Variants in SLK observed in about 807,000 individuals in gnomAD.
SLK encodes the protein STE20 like kinase.
In SLK, 67 loss-of-function variants were observed where a neutral mutation model predicts 147.7. The observed-to-expected ratio is 0.45, with a 90% CI of 0.37 to 0.56. The LOEUF is 0.56. Among genes scored for constraint, SLK ranks in the 20% least tolerant of loss-of-function variants. The pLI, the probability that SLK is intolerant of heterozygous loss-of-function variation, is 0.00. For synonymous variants in SLK, 441 were observed against 475.0 expected (o/e 0.93, Z 0.93); for missense variants, 1,136 against 1,438.8 (o/e 0.79, Z 3.41).
intron 1 of SLK, among the ~76,000 whole-genome samples, chr10:103,987,570 T>C (rs1844034650): frequency 6.6e-6 from 1 of 152,232 alleles, no homozygotes; most frequent in South Asian, 2.1e-4. Context: ...GACATTTATT[T>C]ATTGAAACAT....
In SLK at chr10:104,027,810, A is replaced by G. The variant is rs1260768104; in HGVS notation, c.*2090A>G. On this transcript the variant is annotated 3_prime_UTR_variant, in exon 19 of 19. Transcript: ENST00000369755. ...GATTCTTTCTGTTCCTTTCAACTTG[A>G]CATTCAGATTATTGACTCAAGGAGA... 3 of 152,030 alleles carry G rather than the reference A, an allele frequency of 2.0e-5. No individual in the cohort carries two copies. The highest frequency in any genetic ancestry group is 4.8e-5 in the African/African-American group (2 of 41,364). 9.4% of individuals were successfully genotyped at this position (152,030 alleles called of 1,614,324 possible). A position where few individuals can be genotyped will look rare whatever the true frequency, so the allele number is the denominator to read the frequency against.
At position 103,998,877 on chromosome 10, in the gene SLK, G is replaced by A. The variant is rs779972385; in HGVS notation, c.515-22G>A. ...ACAATGCTTAAAAGTTCTCATTAAT[G>A]CTTTTGTGTGATTATTTCAAGCGGA... On this transcript the variant is annotated intron_variant, in intron 4 of 18. Transcript: ENST00000369755. The A allele has an allele frequency of 2.5e-6, 4 of 1,579,528 alleles. No homozygotes were observed. In the African/African-American group the frequency reaches 4.0e-5, roughly 16 times the overall value.
At chr10:103,995,348 G>C (rs1462201844) in intron 4 of SLK, among the ~76,000 whole-genome samples, 2 of 151,016 alleles carry the variant, frequency 1.3e-5, no homozygotes, top group Non-Finnish European at 3.0e-5. Flanking sequence ...ACAGTTCTGA[G>C]ATGTTTCAGG....
chr10:103,987,770 A>G lies in SLK; in HGVS notation c.151-2905A>G, dbSNP rs545450187. 2.0e-5 allele frequency among the ~76,000 whole-genome samples: 3 copies of G among 152,334 alleles called. No homozygotes were observed. The South Asian group carries it at 6.2e-4, about 32-fold the overall frequency. ...TTTGGAAACCTTTCATTTATAATAA[A>G]TGATGGTGAGAAGTTAACCAAAGAA... is the stretch of plus-strand genomic sequence containing the variant. On this transcript the variant is annotated intron_variant, in intron 1 of 18. Coordinates refer to ENST00000369755, the MANE Select transcript of SLK (RefSeq NM_014720.4).
chr10:103,970,481 G>C (rs1843778423), intron 1 of SLK, among the ~76,000 whole-genome samples: 1 of 152,170 alleles, frequency 6.6e-6, no homozygotes, highest in African/African-American at 2.4e-5. Context: ...TATGATATTT[G>C]AAGAGCACGG....
intron 1 of SLK, among the ~76,000 whole-genome samples, chr10:103,984,478 A>G (rs1043218115): frequency 2.0e-5 from 3 of 152,092 alleles, no homozygotes; most frequent in Admixed American, 1.3e-4. Context: ...CAATGGTGCA[A>G]TCTTGGCTCA....
intron 1 of SLK, among the ~76,000 whole-genome samples, chr10:103,990,322 T>C (rs1844075140): frequency 6.6e-6 from 1 of 152,188 alleles, no homozygotes; most frequent in Non-Finnish European, 1.5e-5. Flanking sequence ...AATGTAAACT[T>C]TGGACTTGGG....
At chr10:103,982,143 C>G (rs1371936161) in intron 1 of SLK, among the ~76,000 whole-genome samples, 3 of 152,082 alleles carry the variant, frequency 2.0e-5, no homozygotes, top group Non-Finnish European at 4.4e-5. Context: ...GAATTAATTT[C>G]CAGACGTGGT....
intron 4 of SLK, among the ~76,000 whole-genome samples, chr10:103,997,805 A>G (rs893792647): frequency 6.6e-6 from 1 of 151,980 alleles, no homozygotes; most frequent in Non-Finnish European, 1.5e-5. Context: ...AAAGTGTCCT[A>G]GCTTATTTTG....
intron 2 of SLK, among the ~76,000 whole-genome samples, chr10:103,992,253 G>T (rs1844106607): frequency 6.9e-6 from 1 of 144,132 alleles, no homozygotes; most frequent in African/African-American, 2.6e-5. Context: ...TAAAGCACAA[G>T]TTGCCTTAAA....
chr10:104,017,541 A>G (rs191924544), intron 13 of SLK, among the ~76,000 whole-genome samples: 107 of 152,272 alleles, frequency 7.0e-4, no homozygotes, highest in Non-Finnish European at 1.3e-3. Context: ...ATGCAGTGGC[A>G]TGATCTCAGC....
chr10:104,009,645 A>T (rs550943996), intron 12 of SLK, among the ~76,000 whole-genome samples: 216 of 152,296 alleles, frequency 1.4e-3, no homozygotes, highest in African/African-American at 4.8e-3. Context: ...AGTGAAATTT[A>T]AAAAATTTTA....
intron 1 of SLK, 31 bp downstream of exon 1, chr10:103,967,926 C>G (rs759801457): frequency 1.2e-6 from 2 of 1,609,568 alleles, no homozygotes; most frequent in Non-Finnish European, 1.7e-6. Flanking sequence ...AGTTGTACTG[C>G]GAAGGTAAAA....
chr10:103,995,753 G>A (rs1316122951), intron 4 of SLK, among the ~76,000 whole-genome samples: 1 of 151,962 alleles, frequency 6.6e-6, no homozygotes, highest in Non-Finnish European at 1.5e-5. Context: ...AAGAAGCCCT[G>A]GTTTCTTTTA....
chr10:103,967,664 G>A lies in SLK; in HGVS notation c.-82G>A. 1 of 1,280,548 alleles carries A rather than the reference G, an allele frequency of 7.8e-7. No individual in the cohort carries two copies. Among genetic ancestry groups the A allele is most frequent in the Non-Finnish European group, 1.0e-6 (1 of 966,276 alleles). The allele number at this position is 1,280,548 out of a possible 1,614,324, so 79.3% of individuals were successfully genotyped here. ...GCGCCCGCCGCCGCCAGCCGGGCTCGCGCGGGAGAGCAGGGAAGAGAAACT... is the reference window on the plus strand; with the variant it reads ...GCGCCCGCCGCCGCCAGCCGGGCTCACGCGGGAGAGCAGGGAAGAGAAACT... On this transcript the variant is annotated 5_prime_UTR_variant, in exon 1 of 19. Coordinates refer to ENST00000369755, the MANE Select transcript of SLK (RefSeq NM_014720.4).
rs201893608 is a variant in SLK at position 104,005,879 on chromosome 10, G to C, written c.2481-33G>C. The C allele has an allele frequency of 3.6e-4, 565 of 1,570,618 alleles. No individual in the cohort carries two copies. In the African/African-American group the frequency reaches 6.8e-3, roughly 19 times the overall value. On this transcript the variant is annotated intron_variant, in intron 10 of 18. Coordinates refer to ENST00000369755, the MANE Select transcript of SLK (RefSeq NM_014720.4). The stretch of plus-strand genomic sequence containing the variant: ...GTATTTCAGAAGTGTAATTTTTGCT[G>C]TCTTCTCTATCATTACCATTAAATT...
chr10:103,992,978 T>G lies in SLK; in HGVS notation c.365-6T>G. On this transcript the variant is annotated splice_region_variant and splice_polypyrimidine_tract_variant and intron_variant, in intron 3 of 18. Transcript: ENST00000369755. ...GCAGATTTTTTTTTTTACTTTCTCC[T>G]TATAGAACTTGAGAGACCATTAACT... The G allele has an allele frequency of 6.2e-7, 1 of 1,605,160 alleles. No individual in the cohort carries two copies.
chr10:103,992,110 C>T (rs997826143), intron 2 of SLK, among the ~76,000 whole-genome samples: 3 of 125,088 alleles, frequency 2.4e-5, no homozygotes, highest in South Asian at 2.5e-4. Context: ...TAATTGAGCT[C>T]GGATCTGAAG....
At position 104,008,299 on chromosome 10, in the gene SLK, A is replaced by G. The variant is rs1356161221; in HGVS notation, c.2727A>G (p.Gly909=). ...RLRDEAKRIK[G]EQEKELSKFQ... is the part of the protein sequence containing the mutation. ...GAGATGAAGCCAAACGCATCAAAGGAGAACAAGAGAAAGAGTTGTCCAAAT... is the reference window on the plus strand; with the variant it reads ...GAGATGAAGCCAAACGCATCAAAGGGGAACAAGAGAAAGAGTTGTCCAAAT... The change falls in exon 12 of 19, where the codon GGA becomes GGG. Residue 909 remains glycine, a synonymous_variant. Transcript: ENST00000369755. The G allele has an allele frequency of 6.2e-7, 1 of 1,613,784 alleles. No homozygotes were observed. Among genetic ancestry groups the G allele is most frequent in the East Asian group, 2.2e-5 (1 of 44,886 alleles).
Sources: allele counts gnomAD v4.1 joint callset (sites outside exome capture counted in the v4.1 genomes callset), GRCh38; gene constraint gnomAD v4.1.1; transcripts MANE v1.5; gene names NCBI Gene and HGNC (gene_info 2026-07-23, HGNC 2026-07-21).